The following MITF variants were observed in gnomAD, a reference collection of about 807,000 sequenced individuals.
The protein encoded by MITF is microphthalmia-associated transcription factor.
A neutral mutation model predicts 60.5 loss-of-function variants in MITF; 17 were observed. The ratio of observed to expected loss-of-function variants is 0.28; its 90% CI spans 0.19 to 0.42. MITF has a LOEUF of 0.42. MITF is among the 10% of genes least tolerant of loss of function. The probability of loss-of-function intolerance (pLI) is 1.00; values close to 1 mark genes in which losing one functional copy is unlikely to be tolerated. For synonymous variants in MITF, 260 were observed against 248.5 expected, an observed-to-expected ratio of 1.05 and a Z score of -0.43; for missense variants, 622 against 683.5, an observed-to-expected ratio of 0.91 and a Z score of 1.00.
At chr3:69,931,691 A>G (rs2065726676) in intron 2 of MITF, among the ~76,000 whole-genome samples, 1 of 152,222 alleles carries the variant, frequency 6.6e-6, no homozygotes, top group African/African-American at 2.4e-5. Context: ...AGACCCATAA[A>G]TATGTGATAT....
chr3:69,934,733 A>T (rs1252373896), intron 2 of MITF, among the ~76,000 whole-genome samples: 1 of 152,216 alleles, frequency 6.6e-6, no homozygotes, highest in Non-Finnish European at 1.5e-5. Context: ...AAATGCCTGG[A>T]TTTGGACTAA....
intron 1 of MITF, among the ~76,000 whole-genome samples, chr3:69,769,994 G>A (rs886198673): frequency 6.6e-6 from 1 of 152,122 alleles, no homozygotes; most frequent in Admixed American, 6.5e-5. Flanking sequence ...GCTAAATCTA[G>A]CAATGCTAGT....
At chr3:69,755,077 T>C (rs1704083743) in intron 1 of MITF, among the ~76,000 whole-genome samples, 1 of 152,216 alleles carries the variant, frequency 6.6e-6, no homozygotes, top group Admixed American at 6.5e-5. Flanking sequence ...CAGGAAGATA[T>C]TTAAGGATGG....
intron 1 of MITF, among the ~76,000 whole-genome samples, chr3:69,788,458 T>A (rs2062687695): frequency 6.6e-6 from 1 of 152,106 alleles, no homozygotes; most frequent in African/African-American, 2.4e-5. Context: ...GTATGCTATA[T>A]ACCTAATGCT....
intron 9 of MITF, among the ~76,000 whole-genome samples, chr3:69,962,236 AG>A (rs2066567996): frequency 6.6e-6 from 1 of 152,194 alleles, no homozygotes; most frequent in Non-Finnish European, 1.5e-5. Context: ...TATGGGCCTA[AG>A]GGCTTTCTTT....
intron 1 of MITF, among the ~76,000 whole-genome samples, chr3:69,842,939 G>A (rs2063666644): frequency 1.3e-5 from 2 of 152,170 alleles, no homozygotes; most frequent in South Asian, 2.1e-4. Context: ...GGAGAGTTTC[G>A]GTCCTACCTA....
At chr3:69,887,647 G>T (rs2064653667) in intron 2 of MITF, among the ~76,000 whole-genome samples, 1 of 152,018 alleles carries the variant, frequency 6.6e-6, no homozygotes, top group South Asian at 2.1e-4. Flanking sequence ...TTAAAGGAGA[G>T]AATGGTCCTA....
chr3:69,755,798 T>C (rs1051256653), intron 1 of MITF, among the ~76,000 whole-genome samples: 1 of 152,162 alleles, frequency 6.6e-6, no homozygotes, highest in East Asian at 1.9e-4. Flanking sequence ...GAATATTCAA[T>C]AAGGTGATGA....
At chr3:69,782,772 A>C (rs1390924606) in intron 1 of MITF, among the ~76,000 whole-genome samples, 1 of 152,180 alleles carries the variant, frequency 6.6e-6, no homozygotes, top group East Asian at 1.9e-4. Flanking sequence ...ACCTTTCATA[A>C]ATTTTGAATA....
At chr3:69,918,969 T>C (rs928256825) in intron 2 of MITF, among the ~76,000 whole-genome samples, 2 of 152,340 alleles carry the variant, frequency 1.3e-5, no homozygotes, top group East Asian at 3.9e-4. Context: ...TAGCCTTTTG[T>C]TATGTTTTTC....
chr3:69,839,751 T>A lies in MITF; in HGVS notation c.105-39383T>A, dbSNP rs991144305. Among the ~76,000 whole-genome samples the A allele has an allele frequency of 4.2e-4, 61 of 144,780 alleles. 1 individual carries two copies. The highest frequency in any genetic ancestry group is 6.5e-4 in the South Asian group (3 of 4,630). The allele number at this position is 144,780 out of a possible 152,430, so 95.0% of individuals were successfully genotyped here. On this transcript the variant is annotated intron_variant, in intron 1 of 9. Transcript: ENST00000352241. Reference sequence around the variant, plus strand: ...AGTACCCACGAAAGAAACCGATATTTAAAAAAAAAAAAGTAAGGGAATTTC... The same window carrying A: ...AGTACCCACGAAAGAAACCGATATTAAAAAAAAAAAAAGTAAGGGAATTTC...
intron 2 of MITF, among the ~76,000 whole-genome samples, chr3:69,891,077 T>G (rs2064749550): frequency 6.6e-6 from 1 of 152,192 alleles, no homozygotes; most frequent in Non-Finnish European, 1.5e-5. Flanking sequence ...CTTATTATCT[T>G]CCATTAACAT....
chr3:69,757,915 T>C (rs1014453828), intron 1 of MITF, among the ~76,000 whole-genome samples: 2 of 150,688 alleles, frequency 1.3e-5, no homozygotes, highest in South Asian at 4.2e-4. Flanking sequence ...TGTTGAGTGA[T>C]GGTGTGGATC....
chr3:69,864,118 T>C (rs371208568), intron 1 of MITF, among the ~76,000 whole-genome samples: 3 of 152,336 alleles, frequency 2.0e-5, no homozygotes, highest in African/African-American at 7.2e-5. Flanking sequence ...GTCATCTCTT[T>C]CAGTTCTAAC....
intron 1 of MITF, among the ~76,000 whole-genome samples, chr3:69,839,905 C>T: frequency 6.7e-6 from 1 of 149,794 alleles, no homozygotes; most frequent in Non-Finnish European, 1.5e-5. Context: ...CACCCCTCCT[C>T]CCCAAGTCTG....
intron 3 of MITF, 183 bp from the exon 4 acceptor site, chr3:69,938,915 T>G: frequency 6.8e-7 from 1 of 1,476,024 alleles, no homozygotes; most frequent in South Asian, 1.4e-5. Context: ...CTACCCAAAT[T>G]TGTCATCTAG....
At chr3:69,961,445 G>T (rs921361479) in intron 9 of MITF, among the ~76,000 whole-genome samples, 1 of 151,454 alleles carries the variant, frequency 6.6e-6, no homozygotes, top group Admixed American at 6.6e-5. Context: ...GGTGGTTCAC[G>T]CCTCTAATCC....
At chr3:69,793,695 A>G (rs1020759107) in intron 1 of MITF, among the ~76,000 whole-genome samples, 1 of 152,222 alleles carries the variant, frequency 6.6e-6, no homozygotes, top group African/African-American at 2.4e-5. Context: ...ACTTTTCTTT[A>G]TGTATTCACC....
At chr3:69,912,642 A>G (rs991925566) in intron 2 of MITF, among the ~76,000 whole-genome samples, 1 of 152,220 alleles carries the variant, frequency 6.6e-6, no homozygotes, top group Non-Finnish European at 1.5e-5. Flanking sequence ...TCATCATTCT[A>G]TAAGCCACAC....
Sources: gnomAD v4.1 joint callset for allele counts (sites outside exome capture counted in the v4.1 genomes callset) on GRCh38, gnomAD v4.1.1 for gene constraint, MANE v1.5 for transcripts, NCBI Gene and HGNC (gene_info 2026-07-23, HGNC 2026-07-21) for gene names.